The following RSPH3 variants were observed in gnomAD, a reference collection of about 807,000 sequenced individuals.
RSPH3 encodes radial spoke head protein 3 homolog.
In RSPH3, 21 loss-of-function variants were observed where a neutral mutation model predicts 43.8. The ratio of observed to expected loss-of-function variants is 0.48; its 90% CI spans 0.34 to 0.69. The LOEUF is 0.69. Ranked by LOEUF, RSPH3 falls within the 30% of genes least tolerant of loss-of-function variation. The pLI is 0.01. For synonymous variants in RSPH3, 173 were observed against 179.8 expected, an observed-to-expected ratio of 0.96 and a Z score of 0.30; for missense variants, 487 against 516.0, an observed-to-expected ratio of 0.94 and a Z score of 0.54.
At chr6:158,983,087 C>T (rs1778090302) in intron 4 of RSPH3, among the ~76,000 whole-genome samples, 1 of 152,122 alleles carries the variant, frequency 6.6e-6, no homozygotes, top group Non-Finnish European at 1.5e-5. Flanking sequence ...TTTCAGGTAG[C>T]TTCTGAAGAT....
intron 2 of RSPH3, among the ~76,000 whole-genome samples, chr6:158,987,685 G>A (rs75029708): frequency 0.024 from 3,665 of 152,120 alleles, 52 homozygotes; most frequent in Middle Eastern, 0.044. Flanking sequence ...CAAGTTGTTT[G>A]CAGAGATGAC....
chr6:158,977,609 C>T lies in RSPH3; in HGVS notation c.1186G>A (p.Glu396Lys). The change falls in exon 8 of 8, where the codon GAG (glutamate) becomes AAG (lysine). Residue 396 changes from glutamate (E) to lysine (K), a missense_variant. Transcript: ENST00000367069. The part of the protein sequence containing the change: ...RSSQERKFME[E>K]RELLGQDEET... ...TCATCTTGCCCTAAGAGTTCTCTCT[C>T]TTCCATAAACTTCCTTTCCTGGGAT... The T allele has an allele frequency of 1.9e-6, 3 of 1,614,094 alleles. No individual in the cohort carries two copies. Among genetic ancestry groups the T allele is most frequent in the Non-Finnish European group, 2.5e-6 (3 of 1,180,024 alleles).
At chr6:158,987,011 TTTTC>T (rs765389726) in intron 2 of RSPH3, among the ~76,000 whole-genome samples, 2 of 151,778 alleles carry the variant, frequency 1.3e-5, no homozygotes, top group South Asian at 2.1e-4. Context: ...ACCAATTTTC[TTTTC>T]TTTCTTTTTC....
downstream of RSPH3, among the ~76,000 whole-genome samples, chr6:158,969,399 G>C (rs115127658): frequency 0.018 from 2,712 of 152,342 alleles, 34 homozygotes; most frequent in Middle Eastern, 0.024. Flanking sequence ...AGGAGCCCAT[G>C]TACATGAAAA....
In RSPH3 at chr6:158,990,148, G is replaced by A. The variant is rs1011707106; in HGVS notation, c.204+3691C>T. ...TGCAGATGGCCTATTGTGGGACCTC[G>A]TGATTGTGTGACTTAATACTTAATA... On this transcript the variant is annotated intron_variant, in intron 2 of 7. Coordinates refer to ENST00000367069, the MANE Select transcript of RSPH3 (RefSeq NM_031924.8). Among the ~76,000 whole-genome samples the A allele has an allele frequency of 3.2e-4, 49 of 152,014 alleles. 1 individual carries two copies. The highest frequency in any genetic ancestry group is 1.3e-4 in the Non-Finnish European group (9 of 68,010).
chr6:158,996,269 C>T (rs1778592070), intron 1 of RSPH3, among the ~76,000 whole-genome samples: 1 of 152,194 alleles, frequency 6.6e-6, no homozygotes, highest in Admixed American at 6.5e-5. Context: ...TGTCTTTTCA[C>T]ACATGCCTAA....
chr6:158,994,425 G>A (rs1050016479), intron 1 of RSPH3, among the ~76,000 whole-genome samples: 10 of 152,146 alleles, frequency 6.6e-5, no homozygotes, highest in African/African-American at 2.4e-4. Context: ...ATTTTTTAAA[G>A]TTATTGTTGA....
rs534650242 is a variant in RSPH3, at chr6:158,995,464, C to T, written c.117-1538G>A. ...AGAATGTTTCTTTGCCTTTTCCAGC[C>T]TCTAGAGACTGCCCTCATTCCGTGG... On this transcript the variant is annotated intron_variant, in intron 1 of 7. Coordinates refer to ENST00000367069, the MANE Select transcript of RSPH3 (RefSeq NM_031924.8). 6.6e-5 allele frequency among the ~76,000 whole-genome samples: 10 copies of T among 152,316 alleles called. 1 individual carries two copies. In the East Asian group the frequency reaches 1.9e-3, roughly 29 times the overall value.
At chr6:158,984,475 T>TATATATATAA (rs1778158106) in intron 3 of RSPH3, among the ~76,000 whole-genome samples, 2 of 133,594 alleles carry the variant, frequency 1.5e-5, no homozygotes, top group Admixed American at 7.8e-5. Flanking sequence ...TATATATATA[T>TATATATATAA]TTGAGTCCTA....
chr6:158,963,464 TCC>T, the RSPH3 span, among the ~76,000 whole-genome samples: 1 of 96,678 alleles, frequency 1.0e-5, no homozygotes, highest in Admixed American at 1.2e-4. Context: ...TCCCCTCCCC[TCC>T]CCTCCTCTCC....
At chr6:158,981,055 T>A in intron 5 of RSPH3, 119 bp from the exon 6 acceptor site, 1 of 907,826 alleles carries the variant, frequency 1.1e-6, no homozygotes, top group Non-Finnish European at 1.7e-6. Context: ...GAGGTGTCTA[T>A]CTATTAAAGG....
chr6:158,990,146 T>C lies in RSPH3; in HGVS notation c.204+3693A>G, dbSNP rs371591719. Among the ~76,000 whole-genome samples, 16 of 152,156 alleles carry C rather than the reference T, an allele frequency of 1.1e-4. No homozygotes were observed. In the East Asian group the frequency reaches 1.3e-3, roughly 13 times the overall value. On this transcript the variant is annotated intron_variant, in intron 2 of 7. Transcript: ENST00000367069. ...CCTGCAGATGGCCTATTGTGGGACC[T>C]CGTGATTGTGTGACTTAATACTTAA...
At chr6:158,998,297 C>CAAAAAAAAAAAA (rs71297000) in intron 1 of RSPH3, among the ~76,000 whole-genome samples, 93 of 53,836 alleles carry the variant, frequency 1.7e-3, no homozygotes, top group African/African-American at 3.3e-3. Context: ...TAAAAAAATA[C>CAAAAAAAAAAAA]AAAAAAAAAA....
At chr6:158,970,804 G>A (rs1455970170), downstream of RSPH3, among the ~76,000 whole-genome samples, 1 of 152,112 alleles carries the variant, frequency 6.6e-6, no homozygotes, top group East Asian at 1.9e-4. Flanking sequence ...ACCTGCCTTG[G>A]CCTGCCAAAG....
chr6:158,967,203 A>G, the RSPH3 span, among the ~76,000 whole-genome samples: 3 of 151,768 alleles, frequency 2.0e-5, no homozygotes, highest in Non-Finnish European at 4.4e-5. Flanking sequence ...TTGTAGAAAC[A>G]GGGTTTTGCC....
chr6:158,978,542 ATTTT>A (rs1377649749), intron 6 of RSPH3, among the ~76,000 whole-genome samples, 196 bp from the exon 7 acceptor site: 6 of 151,594 alleles, frequency 4.0e-5, no homozygotes, highest in African/African-American at 1.5e-4. Flanking sequence ...TTTTATTTTT[ATTTT>A]TTTATTTTTT....
At chr6:158,965,194 C>A in the RSPH3 span, among the ~76,000 whole-genome samples, 2 of 152,144 alleles carry the variant, frequency 1.3e-5, no homozygotes, top group East Asian at 1.9e-4. Context: ...GTTTTGAATA[C>A]CGTAGCTTTG....
rs1410365061 is a variant in RSPH3 at position 158,980,933 on chromosome 6, G to A, written c.700C>T (p.Arg234Trp). The A allele has an allele frequency of 9.3e-6, 15 of 1,613,710 alleles. No homozygotes were observed. The highest frequency in any genetic ancestry group is 1.2e-5 in the Non-Finnish European group (14 of 1,179,818). ...QERRHREEKERRKKQQWEIMH... is the reference protein window; with the variant it reads ...QERRHREEKEWRKKQQWEIMH... ...ATTTCCCACTGCTGTTTCTTACGCC[G>A]TTCCTGCCAAGAACGACAGAGGTGG... Residue 234 changes from arginine (R) to tryptophan (W), a missense_variant, in exon 6 of 8, where the codon CGG becomes TGG. By Grantham distance (101) the Arg-to-Trp change is moderately radical (BLOSUM62 -3). Transcript: ENST00000367069.
intron 6 of RSPH3, among the ~76,000 whole-genome samples, chr6:158,980,105 C>G (rs979788631): frequency 1.1e-4 from 16 of 152,214 alleles, no homozygotes; most frequent in African/African-American, 3.9e-4. Context: ...ATAGTTTACA[C>G]AGTTTCATAT....
Sources: gnomAD v4.1 joint callset for allele counts (sites outside exome capture counted in the v4.1 genomes callset) on GRCh38, gnomAD v4.1.1 for gene constraint, MANE v1.5 for transcripts, NCBI Gene and HGNC (gene_info 2026-07-23, HGNC 2026-07-21) for gene names.